The following ITPKB variants were observed in gnomAD, a reference collection of about 807,000 sequenced individuals.
ITPKB encodes the protein IP3 3-kinase B.
ITPKB carries 13 observed loss-of-function variants against 69.4 expected under a neutral mutation model. The ratio of observed to expected loss-of-function variants is 0.19; its 90% CI spans 0.12 to 0.30. The LOEUF is 0.30. Among genes scored for constraint, ITPKB ranks in the 10% least tolerant of loss-of-function variants. The pLI is 1.00. For missense variants in ITPKB, 1,240 were observed against 1,250.5 expected (o/e 0.99, Z 0.13); for synonymous variants, 584 against 513.7 (o/e 1.14, Z -1.85).
At position 226,738,390 on chromosome 1, in the gene ITPKB, G is replaced by A. The variant is rs913539675; in HGVS notation, c.-206+651C>T. Among the ~76,000 whole-genome samples the A allele has an allele frequency of 7.1e-6, 1 of 141,516 alleles. No individual in the cohort carries two copies. The highest frequency in any genetic ancestry group is 2.6e-5 in the African/African-American group (1 of 37,948). 92.8% of individuals were successfully genotyped at this position (141,516 alleles called of 152,430 possible). On this transcript the variant is annotated intron_variant, in intron 1 of 7. Coordinates refer to ENST00000429204, the MANE Select transcript of ITPKB (RefSeq NM_002221.4). This position sits in a 1 kb window ranked among gnomAD's most constrained non-coding sequence, Gnocchi z 4.2. ...GTTTTGTGAGTGTGGGCGCACCGAG[G>A]TTCTACACGTTCTCTTTACCGGAAC...
At chr1:226,653,823 G>A (rs1472406122) in intron 2 of ITPKB, among the ~76,000 whole-genome samples, 2 of 152,200 alleles carry the variant, frequency 1.3e-5, no homozygotes. Flanking sequence ...AGGCTTGGAT[G>A]CGAACCAGCT....
chr1:226,703,883 G>T (rs1656740560), intron 2 of ITPKB, among the ~76,000 whole-genome samples: 1 of 152,160 alleles, frequency 6.6e-6, no homozygotes, highest in African/African-American at 2.4e-5. Flanking sequence ...AGGTCAGCAG[G>T]CTCCCAAATC....
At chr1:226,724,888 C>G (rs1657361110) in intron 2 of ITPKB, among the ~76,000 whole-genome samples, 1 of 152,212 alleles carries the variant, frequency 6.6e-6, no homozygotes, top group African/African-American at 2.4e-5. Context: ...AAATCAAGTA[C>G]TGGGGCAGGG....
chr1:226,688,564 C>T (rs182174087), intron 2 of ITPKB, among the ~76,000 whole-genome samples: 1 of 152,240 alleles, frequency 6.6e-6, no homozygotes, highest in Non-Finnish European at 1.5e-5. Context: ...GGGCCACTGC[C>T]CAAAATGCTA....
chr1:226,647,355 G>T lies in ITPKB; in HGVS notation c.2058C>A (p.Gly686=). 1 of 1,613,998 alleles carries T rather than the reference G, an allele frequency of 6.2e-7. No homozygotes were observed. The highest frequency in any genetic ancestry group is 8.5e-7 in the Non-Finnish European group (1 of 1,179,916). ...HAGSFKAAAN[G]RILKKHCESE... is the part of the protein sequence containing the mutation. ...ACTCACAGTGCTTCTTCAGGATCCT[G>T]CCATTGGCAGCTGCCTTGAAACTCC... The change falls in exon 4 of 8, where the codon GGC becomes GGA. Residue 686 remains glycine (G), a synonymous_variant. Coordinates refer to ENST00000429204, the MANE Select transcript of ITPKB (RefSeq NM_002221.4).
At chr1:226,719,444 G>A (rs1657174913) in intron 2 of ITPKB, among the ~76,000 whole-genome samples, 1 of 152,168 alleles carries the variant, frequency 6.6e-6, no homozygotes, top group Non-Finnish European at 1.5e-5. Flanking sequence ...CTCACTTGGT[G>A]ACCGCAGCTG....
rs553450451 is a variant in ITPKB, at chr1:226,738,674, C to A, written c.-206+367G>T. Reference sequence around the variant, plus strand: ...GCTCTGCAAACCTCCCAGGAGCCGGCGCTCTAACACCCCAGGGCAGCGCCG... The same window carrying A: ...GCTCTGCAAACCTCCCAGGAGCCGGAGCTCTAACACCCCAGGGCAGCGCCG... On this transcript the variant is annotated intron_variant, in intron 1 of 7. Coordinates refer to ENST00000429204, the MANE Select transcript of ITPKB (RefSeq NM_002221.4). The surrounding 1 kb of genome is among the most constrained non-coding windows in gnomAD (Gnocchi z 4.2). 7.2e-5 allele frequency among the ~76,000 whole-genome samples: 11 copies of A among 152,272 alleles called. No individual in the cohort carries two copies. Among genetic ancestry groups the A allele is most frequent in the Admixed American group, 2.0e-4 (3 of 15,312 alleles).
intron 2 of ITPKB, among the ~76,000 whole-genome samples, chr1:226,733,356 C>T (rs1291923008): frequency 6.6e-6 from 1 of 152,152 alleles, no homozygotes. Flanking sequence ...AAGACTCACT[C>T]CATCAAGATG....
intron 2 of ITPKB, among the ~76,000 whole-genome samples, chr1:226,678,253 T>C (rs1190490032): frequency 6.6e-6 from 1 of 152,216 alleles, no homozygotes; most frequent in African/African-American, 2.4e-5. Flanking sequence ...CATTTGGTTA[T>C]TAAATATGAT....
chr1:226,648,579 C>T (rs1669108820), intron 3 of ITPKB, 93 bp downstream of exon 3: 2 of 808,128 alleles, frequency 2.5e-6, no homozygotes, highest in East Asian at 4.9e-5. Context: ...AGGGAACTTG[C>T]TCTGGAGCTT....
intron 6 of ITPKB, among the ~76,000 whole-genome samples, chr1:226,639,219 G>A (rs1400979991): frequency 2.0e-5 from 3 of 152,050 alleles, no homozygotes; most frequent in Non-Finnish European, 2.9e-5. Flanking sequence ...CACCATGTCC[G>A]GCTAATTTTT....
chr1:226,656,376 C>T (rs1206710348), intron 2 of ITPKB, among the ~76,000 whole-genome samples: 1 of 152,164 alleles, frequency 6.6e-6, no homozygotes. Context: ...CGGTCAGAGG[C>T]TGCTGAAGAA....
At chr1:226,647,121 G>A in intron 4 of ITPKB, 46 bp downstream of exon 4, 1 of 1,557,726 alleles carries the variant, frequency 6.4e-7, no homozygotes. Flanking sequence ...CCTGCCATGT[G>A]GCTTGCACTG....
intron 2 of ITPKB, among the ~76,000 whole-genome samples, chr1:226,689,077 A>C (rs1411271503): frequency 6.6e-6 from 1 of 152,228 alleles, no homozygotes; most frequent in African/African-American, 2.4e-5. Context: ...ATTCCTAAAG[A>C]AAGCCACTGG....
chr1:226,724,722 T>C lies in ITPKB; in HGVS notation c.1932+10805A>G, dbSNP rs115917142. Among the ~76,000 whole-genome samples, 1,427 of 152,298 alleles carry C rather than the reference T, an allele frequency of 9.4e-3. 20 individuals carry two copies. The highest frequency in any genetic ancestry group is 0.033 in the African/African-American group (1,370 of 41,554). ...TAGAGCTCTTCCATAGCTAAGACTC[T>C]ATAACGTGTACTAAGCAGAAAAACC... is the stretch of plus-strand genomic sequence containing the variant. On this transcript the variant is annotated intron_variant, in intron 2 of 7. Transcript: ENST00000429204.
Position 226,736,978 on chromosome 1 carries a change from TGG to T in ITPKB, c.479_480del (p.Ala160AspfsTer116). The T allele has an allele frequency of 6.2e-7, 1 of 1,612,502 alleles. No individual in the cohort carries two copies. Among genetic ancestry groups the T allele is most frequent in the East Asian group, 2.2e-5 (1 of 44,862 alleles). ...AAACGCGGGCTGCGGGGCGCTTGAA[TGG>T]CGGAGCTCTGTGCCTGGATGTGCGC... Reference protein sequence around the residue: ...FEAHIQAQSSAIQAPRSPRLG... With the variant: ...FEAHIQAQSSXIQAPRSPRLG... On this transcript the variant is annotated frameshift_variant, in exon 2 of 8. Transcript: ENST00000429204. LOFTEE classifies it high-confidence loss of function.
intron 2 of ITPKB, among the ~76,000 whole-genome samples, chr1:226,733,151 T>C (rs371350784): frequency 2.0e-5 from 3 of 152,028 alleles, no homozygotes; most frequent in African/African-American, 7.3e-5. Context: ...AGGGTAAGTG[T>C]GAGCATGTGT....
At chr1:226,725,569 A>G (rs1423483505) in intron 2 of ITPKB, among the ~76,000 whole-genome samples, 1 of 152,334 alleles carries the variant, frequency 6.6e-6, no homozygotes, top group East Asian at 1.9e-4. Context: ...CCATGCCCCC[A>G]TTAAGTACCC....
chr1:226,678,184 A>G (rs777710221), intron 2 of ITPKB, among the ~76,000 whole-genome samples: 2 of 152,226 alleles, frequency 1.3e-5, no homozygotes, highest in Non-Finnish European at 2.9e-5. Context: ...GCTAACAAAG[A>G]CTATTTTTCT....
Sources: gnomAD v4.1 joint callset for allele counts (sites outside exome capture counted in the v4.1 genomes callset) on GRCh38, gnomAD v4.1.1 for gene constraint, Gnocchi (gnomAD v3.1) non-coding constraint, MANE v1.5 for transcripts, NCBI Gene and HGNC (gene_info 2026-07-23, HGNC 2026-07-21) for gene names.